Variants in ADARB2 observed in about 807,000 individuals in gnomAD.
ADARB2 encodes the protein inactive double-stranded RNA-specific editase B2.
ADARB2 carries 25 observed loss-of-function variants against 62.2 expected under a neutral mutation model. The observed-to-expected ratio is 0.40, with a 90% CI of 0.29 to 0.56. The LOEUF (loss-of-function observed/expected upper bound fraction) is 0.56. ADARB2 is among the 20% of genes least tolerant of loss of function. ADARB2 has a pLI of 0.43. For synonymous variants in ADARB2, 572 were observed against 500.8 expected (o/e 1.14, Z -1.90); for missense variants, 1,071 against 1,077.4 (o/e 0.99, Z 0.08).
At chr10:1,502,865 G>T (rs1182167140) in intron 1 of ADARB2, among the ~76,000 whole-genome samples, 6 of 152,292 alleles carry the variant, frequency 3.9e-5, no homozygotes, top group African/African-American at 1.4e-4. Flanking sequence ...AATAAATTTT[G>T]GTAAGATGTC....
At chr10:1,407,973 T>C (rs959105890) in intron 1 of ADARB2, among the ~76,000 whole-genome samples, 2 of 152,198 alleles carry the variant, frequency 1.3e-5, no homozygotes, top group Non-Finnish European at 2.9e-5. Context: ...TATAAAAATA[T>C]ACAATAATAT....
At chr10:1,275,887 T>A (rs1342192150) in intron 3 of ADARB2, among the ~76,000 whole-genome samples, 2 of 152,110 alleles carry the variant, frequency 1.3e-5, no homozygotes, top group Non-Finnish European at 2.9e-5. Context: ...GTGCCACATT[T>A]TCTTAATCCA....
At chr10:1,583,408 T>C (rs557231436) in intron 1 of ADARB2, among the ~76,000 whole-genome samples, 8 of 152,202 alleles carry the variant, frequency 5.3e-5, no homozygotes, top group Non-Finnish European at 1.2e-4. Context: ...CTGTGCAGTG[T>C]ATAAAGCAGA....
chr10:1,609,943 G>A (rs903319831), intron 1 of ADARB2, among the ~76,000 whole-genome samples: 1 of 152,232 alleles, frequency 6.6e-6, no homozygotes, highest in Non-Finnish European at 1.5e-5. Flanking sequence ...GCAGCAGGCC[G>A]ACTTCAGATG....
intron 1 of ADARB2, among the ~76,000 whole-genome samples, chr10:1,483,406 G>A (rs1831500720): frequency 1.3e-5 from 2 of 152,182 alleles, no homozygotes; most frequent in African/African-American, 2.4e-5. Context: ...AATCCTGAAC[G>A]ACAACTTTAC....
chr10:1,566,123 C>A (rs1832860490), intron 1 of ADARB2, among the ~76,000 whole-genome samples: 4 of 142,282 alleles, frequency 2.8e-5, no homozygotes, highest in Admixed American at 7.0e-5. Context: ...CCCCTGTGTA[C>A]AGTGAGTGTG....
At chr10:1,716,004 A>T (rs1835012244) in intron 1 of ADARB2, among the ~76,000 whole-genome samples, 1 of 150,424 alleles carries the variant, frequency 6.6e-6, no homozygotes, top group African/African-American at 2.5e-5. Flanking sequence ...CTGTATGCAC[A>T]CTCCCCTCCC....
At chr10:1,362,624 C>T (rs1287619272) in intron 3 of ADARB2, among the ~76,000 whole-genome samples, 3 of 152,116 alleles carry the variant, frequency 2.0e-5, no homozygotes, top group Admixed American at 6.5e-5. Flanking sequence ...GCCGGGCTGG[C>T]GGCCTCTCCG....
chr10:1,471,057 TA>T (rs1831315587), intron 1 of ADARB2, among the ~76,000 whole-genome samples: 1 of 151,750 alleles, frequency 6.6e-6, no homozygotes. Flanking sequence ...AGACTCCGTC[TA>T]AAAAAAACAA....
At chr10:1,614,898 G>C (rs1176225239) in intron 1 of ADARB2, among the ~76,000 whole-genome samples, 2 of 142,088 alleles carry the variant, frequency 1.4e-5, no homozygotes, top group Middle Eastern at 3.5e-3. Context: ...GTGACAGAGC[G>C]AGACTCTGAC....
chr10:1,396,547 C>T (rs1832615278), intron 1 of ADARB2, among the ~76,000 whole-genome samples: 1 of 152,156 alleles, frequency 6.6e-6, no homozygotes, highest in African/African-American at 2.4e-5. Context: ...CCTGCAGTGT[C>T]CCTGTGACGC....
At chr10:1,367,511 CA>C (rs1429907822) in intron 2 of ADARB2, among the ~76,000 whole-genome samples, 2 of 152,154 alleles carry the variant, frequency 1.3e-5, no homozygotes, top group African/African-American at 4.8e-5. Flanking sequence ...GGGCTGAGTG[CA>C]AATGCTTTTG....
At chr10:1,301,562 C>CTG (rs1554752939) in intron 3 of ADARB2, among the ~76,000 whole-genome samples, 1 of 115,186 alleles carries the variant, frequency 8.7e-6, no homozygotes, top group Non-Finnish European at 2.0e-5. Flanking sequence ...TCTCTCTTCT[C>CTG]TCTCTCTCTC....
At chr10:1,517,512 GCT>G (rs1325954781) in intron 1 of ADARB2, among the ~76,000 whole-genome samples, 1 of 152,116 alleles carries the variant, frequency 6.6e-6, no homozygotes, top group African/African-American at 2.4e-5. Flanking sequence ...GGGAAAACTT[GCT>G]CTCTTTCGTA....
intron 1 of ADARB2, among the ~76,000 whole-genome samples, chr10:1,581,825 G>GAT (rs372628702): frequency 0.012 from 573 of 47,932 alleles, 4 homozygotes; most frequent in Middle Eastern, 0.029. Flanking sequence ...CTTAGAAATA[G>GAT]ATGTGTGTGT....
At position 1,263,182 on chromosome 10, in the gene ADARB2, AATG is replaced by A. The variant is rs1486994334; in HGVS notation, c.1192+7770_1192+7772del. Among the ~76,000 whole-genome samples, 5 of 151,450 alleles carry A rather than the reference AATG, an allele frequency of 3.3e-5. No individual in the cohort carries two copies. In the East Asian group the frequency reaches 5.8e-4, roughly 18 times the overall value. On this transcript the variant is annotated intron_variant, in intron 4 of 9. Coordinates refer to ENST00000381312, the MANE Select transcript of ADARB2 (RefSeq NM_018702.4). ...GCATTAGGAGATATACCTAATGCTAAATGATGAGTTACTGGGTGCAGCACACCA... is the reference window on the plus strand; with the variant it reads ...GCATTAGGAGATATACCTAATGCTAAATGAGTTACTGGGTGCAGCACACCA...
intron 1 of ADARB2, among the ~76,000 whole-genome samples, chr10:1,412,184 G>T (rs989463739): frequency 2.0e-5 from 3 of 152,128 alleles, no homozygotes; most frequent in Non-Finnish European, 4.4e-5. Context: ...TGCTGGACGG[G>T]TTCGGAGCGT....
At chr10:1,291,230 G>A (rs1422618409) in intron 3 of ADARB2, 1 of 152,220 alleles carries the variant, frequency 6.6e-6, no homozygotes, top group Admixed American at 6.5e-5. Context: ...TGTTACACAG[G>A]CCTCCAGTGC....
chr10:1,447,512 C>T (rs1830985806), intron 1 of ADARB2, among the ~76,000 whole-genome samples: 1 of 152,056 alleles, frequency 6.6e-6, no homozygotes, highest in Admixed American at 6.5e-5. Flanking sequence ...AGCCATACAG[C>T]TTCTGCATTT....
Sources: gnomAD v4.1 joint callset for allele counts (sites outside exome capture counted in the v4.1 genomes callset) on GRCh38, gnomAD v4.1.1 for gene constraint, MANE v1.5 for transcripts, NCBI Gene and HGNC (gene_info 2026-07-23, HGNC 2026-07-21) for gene names.